The following ZC3H12B variants were observed in gnomAD, a reference collection of about 807,000 sequenced individuals.
The protein encoded by ZC3H12B is probable ribonuclease ZC3H12B.
Under a neutral mutation model 43.9 loss-of-function variants are expected in ZC3H12B, and 7 were observed. The observed-to-expected ratio is 0.16, with a 90% CI of 0.09 to 0.30. ZC3H12B has a LOEUF of 0.30. ZC3H12B is among the 10% of genes least tolerant of loss of function. ZC3H12B has a pLI of 1.00. For missense variants in ZC3H12B, 475 were observed against 670.2 expected, an observed-to-expected ratio of 0.71 and a Z score of 3.22; for synonymous variants, 222 against 241.7, an observed-to-expected ratio of 0.92 and a Z score of 0.76.
the ZC3H12B span, among the ~76,000 whole-genome samples, chrX:65,244,311 A>G: frequency 7.2e-5 from 8 of 111,629 alleles, no homozygotes; most frequent in African/African-American, 2.6e-4. Context: ...ATCAAAGATC[A>G]CCATAACAGA....
the ZC3H12B span, among the ~76,000 whole-genome samples, chrX:65,076,376 C>G: frequency 9.0e-6 from 1 of 110,840 alleles, no homozygotes; most frequent in Non-Finnish European, 1.9e-5. Flanking sequence ...TGGCCTCAAG[C>G]AATTCTTCCA....
the ZC3H12B span, among the ~76,000 whole-genome samples, chrX:65,263,878 C>A: frequency 9.0e-6 from 1 of 111,146 alleles, no homozygotes; most frequent in Admixed American, 9.6e-5. Context: ...TATCACAGTA[C>A]AATTCACAAT....
At chrX:65,290,385 G>A in the ZC3H12B span, among the ~76,000 whole-genome samples, 1 of 110,685 alleles carries the variant, frequency 9.0e-6, no homozygotes, top group Non-Finnish European at 1.9e-5. Context: ...ATATACTGTT[G>A]GAGGGAATGT....
chrX:65,094,682 GTAAAAT>G, the ZC3H12B span, among the ~76,000 whole-genome samples: 1 of 112,404 alleles, frequency 8.9e-6, no homozygotes, highest in African/African-American at 3.2e-5. Flanking sequence ...CACACTCACA[GTAAAAT>G]TAAAAAGTCA....
At chrX:65,222,639 AATAATAATAAT>A in the ZC3H12B span, among the ~76,000 whole-genome samples, 27 of 96,019 alleles carry the variant, frequency 2.8e-4, no homozygotes, top group South Asian at 3.0e-3. Context: ...TAATAATAAT[AATAATAATAAT>A]AAAACACTTA....
intron 3 of ZC3H12B, among the ~76,000 whole-genome samples, chrX:65,456,441 C>A (rs1339255114): frequency 3.1e-5 from 2 of 64,175 alleles, no homozygotes; most frequent in East Asian, 1.1e-3. Context: ...CTCCCTCTCC[C>A]TCTCCCTGTC....
At chrX:65,189,044 G>T in the ZC3H12B span, among the ~76,000 whole-genome samples, 1 of 98,811 alleles carries the variant, frequency 1.0e-5, no homozygotes, top group Non-Finnish European at 2.0e-5. Context: ...AGAATATGCG[G>T]TGTTTGGTTT....
intron 3 of ZC3H12B, among the ~76,000 whole-genome samples, chrX:65,458,146 C>G (rs1470712949): frequency 3.6e-5 from 3 of 82,354 alleles, no homozygotes; most frequent in Non-Finnish European, 7.1e-5. Context: ...ATCAATTCAA[C>G]AAGAAGAGCT....
At chrX:65,189,493 A>C in the ZC3H12B span, among the ~76,000 whole-genome samples, 5 of 108,189 alleles carry the variant, frequency 4.6e-5, no homozygotes, top group African/African-American at 1.4e-4. Flanking sequence ...GCCATTCTAA[A>C]TGGTGTGAGA....
chrX:65,481,832 A>T (rs1021568292), intron 3 of ZC3H12B, among the ~76,000 whole-genome samples: 1 of 111,036 alleles, frequency 9.0e-6, no homozygotes, highest in African/African-American at 3.3e-5. Flanking sequence ...TGAAATAATA[A>T]CAATTAAAAC....
the ZC3H12B span, among the ~76,000 whole-genome samples, chrX:65,046,969 T>C: frequency 9.0e-6 from 1 of 111,207 alleles, no homozygotes; most frequent in Non-Finnish European, 1.9e-5. Context: ...TGATTATGTT[T>C]GCCATCTTCT....
intron 3 of ZC3H12B, among the ~76,000 whole-genome samples, chrX:65,418,990 C>G (rs1050298996): frequency 8.9e-6 from 1 of 111,812 alleles, no homozygotes; most frequent in African/African-American, 3.3e-5. Flanking sequence ...TGAACTTACT[C>G]TAATTCCAGG....
chrX:65,459,701 C>T (rs1449592100), intron 3 of ZC3H12B, among the ~76,000 whole-genome samples: 1 of 111,601 alleles, frequency 9.0e-6, no homozygotes, highest in Non-Finnish European at 1.9e-5. Flanking sequence ...ATTGATGGGA[C>T]TTATCTCAAA....
chrX:65,321,179 A>G, the ZC3H12B span, among the ~76,000 whole-genome samples: 13 of 106,738 alleles, frequency 1.2e-4, no homozygotes, highest in Non-Finnish European at 1.7e-4. Context: ...TCTATAAAGA[A>G]CTTAAACGGA....
At chrX:65,133,152 T>C in the ZC3H12B span, among the ~76,000 whole-genome samples, 10 of 110,711 alleles carry the variant, frequency 9.0e-5, no homozygotes, top group African/African-American at 3.0e-4. Flanking sequence ...GGTTCAGGCG[T>C]TTGGAAGTTC....
chrX:65,232,220 G>A, the ZC3H12B span, among the ~76,000 whole-genome samples: 3 of 111,045 alleles, frequency 2.7e-5, no homozygotes, highest in Non-Finnish European at 5.7e-5. Context: ...CAGCCTGGGT[G>A]ACAGAGTAAG....
chrX:65,076,249 G>T, the ZC3H12B span, among the ~76,000 whole-genome samples: 1 of 108,933 alleles, frequency 9.2e-6, no homozygotes, highest in Non-Finnish European at 1.9e-5. Flanking sequence ...TGAACTCCTG[G>T]GCTCAAGTGA....
chrX:65,324,534 C>T, the ZC3H12B span, among the ~76,000 whole-genome samples: 1 of 111,163 alleles, frequency 9.0e-6, no homozygotes, highest in African/African-American at 3.3e-5. Context: ...TTTTCAATTT[C>T]CTTTTAATTT....
At chrX:65,422,171 C>G (rs952465312) in intron 3 of ZC3H12B, among the ~76,000 whole-genome samples, 1 of 111,155 alleles carries the variant, frequency 9.0e-6, no homozygotes, top group Non-Finnish European at 1.9e-5. Flanking sequence ...ATACGGTGCT[C>G]TTTCTCCCAT....
Sources: allele counts gnomAD v4.1 joint callset (sites outside exome capture counted in the v4.1 genomes callset), GRCh38; gene constraint gnomAD v4.1.1; transcripts MANE v1.5; gene names NCBI Gene and HGNC (gene_info 2026-07-23, HGNC 2026-07-21).